The following RAPGEF1 variants were observed in gnomAD, a reference collection of about 807,000 sequenced individuals.
The protein encoded by RAPGEF1 is CRK SH3-binding GNRP.
RAPGEF1 carries 33 observed loss-of-function variants against 143.3 expected under a neutral mutation model. That is an observed-to-expected ratio of 0.23 (90% CI 0.17 to 0.31). The LOEUF (loss-of-function observed/expected upper bound fraction) is 0.31, where lower values mean the gene tolerates loss of function less well. RAPGEF1 is among the 10% of genes least tolerant of loss of function. The pLI is 1.00. For synonymous variants in RAPGEF1, 629 were observed against 676.5 expected, an observed-to-expected ratio of 0.93 and a Z score of 1.09; for missense variants, 1,199 against 1,645.4, an observed-to-expected ratio of 0.73 and a Z score of 4.69.
chr9:131,615,234 G>C (rs1297124864), intron 12 of RAPGEF1, among the ~76,000 whole-genome samples: 2 of 152,180 alleles, frequency 1.3e-5, no homozygotes, highest in Non-Finnish European at 2.9e-5. Flanking sequence ...CACCATGCCT[G>C]GCTAATTTTT....
chr9:131,736,557 T>C (rs1000681245), intron 1 of RAPGEF1, among the ~76,000 whole-genome samples: 8 of 152,124 alleles, frequency 5.3e-5, no homozygotes, highest in African/African-American at 1.9e-4. Context: ...AAAGAAAATG[T>C]CCCAAAGAAC....
At position 131,628,121 on chromosome 9, in the gene RAPGEF1, G is replaced by A. The variant is rs781478105; in HGVS notation, c.1018-25C>T. 2.0e-6 allele frequency: 3 copies of A among 1,503,308 alleles called. No individual in the cohort carries two copies. The highest frequency in any genetic ancestry group is 1.8e-6 in the Non-Finnish European group (2 of 1,122,300). The allele number at this position is 1,503,308 out of a possible 1,614,324, so 93.1% of individuals were successfully genotyped here. ...CCTCAAGTGGAAAAAGAAAAACAAAGCCAAATCACTTCTGAGAAACGGTGG... is the reference window on the plus strand; with the variant it reads ...CCTCAAGTGGAAAAAGAAAAACAAAACCAAATCACTTCTGAGAAACGGTGG... On this transcript the variant is annotated intron_variant, in intron 8 of 26. Coordinates refer to ENST00000683357, the MANE Select transcript of RAPGEF1 (RefSeq NM_001377935.1). This position sits in a 1 kb window ranked among gnomAD's most constrained non-coding sequence, Gnocchi z 5.7.
chr9:131,599,607 G>A (rs1287486038), intron 15 of RAPGEF1, among the ~76,000 whole-genome samples: 1 of 152,028 alleles, frequency 6.6e-6, no homozygotes, highest in African/African-American at 2.4e-5. Context: ...GCCGGCTGAA[G>A]GATGGGAGAG....
chr9:131,613,494 G>A (rs1958373819), intron 12 of RAPGEF1, among the ~76,000 whole-genome samples: 1 of 152,208 alleles, frequency 6.6e-6, no homozygotes, highest in Non-Finnish European at 1.5e-5. Context: ...GGCCAGTCAG[G>A]AGCTGCAGTG....
chr9:131,662,978 T>C (rs1564650787), intron 1 of RAPGEF1, among the ~76,000 whole-genome samples: 1 of 151,406 alleles, frequency 6.6e-6, no homozygotes. Context: ...TCCAACGTTG[T>C]ATTCTGGAAA....
intron 1 of RAPGEF1, among the ~76,000 whole-genome samples, chr9:131,719,882 CTTTCT>C (rs1280534035): frequency 6.6e-5 from 9 of 136,740 alleles, no homozygotes; most frequent in South Asian, 2.4e-4. Flanking sequence ...TCTTTTCTTT[CTTTCT>C]TTTTTTTTTT....
intron 1 of RAPGEF1, among the ~76,000 whole-genome samples, chr9:131,669,098 G>C (rs117156575): frequency 0.026 from 3,970 of 152,318 alleles, 133 homozygotes; most frequent in East Asian, 0.089. Flanking sequence ...CTGGGTCGTG[G>C]TGATGGAGCC....
At chr9:131,710,791 A>G (rs1012354242) in intron 1 of RAPGEF1, among the ~76,000 whole-genome samples, 2 of 152,032 alleles carry the variant, frequency 1.3e-5, no homozygotes, top group African/African-American at 4.8e-5. Context: ...TGGGAGGCTG[A>G]GGCAGGAGAA....
chr9:131,608,304 G>A (rs1258542966), intron 12 of RAPGEF1, among the ~76,000 whole-genome samples: 4 of 152,184 alleles, frequency 2.6e-5, no homozygotes, highest in Non-Finnish European at 5.9e-5. Context: ...AACAGTACTG[G>A]GGCATTCAGT....
chr9:131,588,699 G>A lies in RAPGEF1; in HGVS notation c.3053+102C>T. The A allele has an allele frequency of 4.0e-6, 5 of 1,260,148 alleles. No homozygotes were observed. In the South Asian group the frequency reaches 7.5e-5, roughly 19 times the overall value. The allele number at this position is 1,260,148 out of a possible 1,614,324, so 78.1% of individuals were successfully genotyped here. A position where few individuals can be genotyped will look rare whatever the true frequency, so the allele number is the denominator to read the frequency against. On this transcript the variant is annotated intron_variant, in intron 20 of 26. Coordinates refer to ENST00000683357, the MANE Select transcript of RAPGEF1 (RefSeq NM_001377935.1). ...TGAGGCACCTCATCAAAGGGCCTGT[G>A]CAGAACCAGGATGGGGCTGTGGGGC...
At chr9:131,598,025 C>T (rs1348977249) in intron 16 of RAPGEF1, among the ~76,000 whole-genome samples, 174 bp downstream of exon 16, 4 of 152,186 alleles carry the variant, frequency 2.6e-5, no homozygotes, top group African/African-American at 9.7e-5. Context: ...CACACTTCCC[C>T]TGGAGTCTAC....
Position 131,592,115 on chromosome 9 carries a change from T to C in RAPGEF1, c.2758A>G (p.Lys920Glu). The C allele has an allele frequency of 1.2e-6, 2 of 1,611,528 alleles. No homozygotes were observed. The highest frequency in any genetic ancestry group is 1.7e-6 in the Non-Finnish European group (2 of 1,177,658). The change falls in exon 18 of 27, where the codon AAG becomes GAG. Residue 920 changes from lysine (K) to glutamate (E), a missense_variant. By Grantham distance (56) the Lys-to-Glu change is moderately conservative. This residue lies in a region of RAPGEF1 where 209 missense variants were observed against 403.0 expected (regional missense o/e 0.52). Coordinates refer to ENST00000683357, the MANE Select transcript of RAPGEF1 (RefSeq NM_001377935.1). ...AAAGGATATCTGTACTGCAGCTTCT[T>C]GATGAGCTCCTCTGGGGAGATGAAG... ...RTFISPEELI[K>E]KLQYRYEKFS...
At chr9:131,719,706 A>C (rs1722110844) in intron 1 of RAPGEF1, among the ~76,000 whole-genome samples, 1 of 151,726 alleles carries the variant, frequency 6.6e-6, no homozygotes, top group Admixed American at 6.6e-5. Context: ...CCTCACGATA[A>C]GAGAAGGATA....
At chr9:131,738,264 T>C (rs1028294253) in intron 1 of RAPGEF1, among the ~76,000 whole-genome samples, 1 of 151,430 alleles carries the variant, frequency 6.6e-6, no homozygotes, top group African/African-American at 2.4e-5. Context: ...TTATATATTA[T>C]AAAGTTCTTA....
chr9:131,697,559 C>A (rs1342018922), intron 1 of RAPGEF1, among the ~76,000 whole-genome samples: 1 of 152,212 alleles, frequency 6.6e-6, no homozygotes, highest in African/African-American at 2.4e-5. Flanking sequence ...ACCCAGGACA[C>A]ACTGCAGCCA....
At chr9:131,598,353 C>G in intron 15 of RAPGEF1, 43 bp from the exon 16 acceptor site, 1 of 1,553,194 alleles carries the variant, frequency 6.4e-7, no homozygotes. Context: ...CAAACCGGCT[C>G]AGCTCCCGAT....
intron 13 of RAPGEF1, 126 bp downstream of exon 13, chr9:131,604,805 C>T (rs1215993638): frequency 3.4e-6 from 4 of 1,184,772 alleles, no homozygotes; most frequent in Non-Finnish European, 4.3e-6. Context: ...CTGGCAGCCC[C>T]CAACTGCTAG....
In RAPGEF1 at chr9:131,638,775, A is replaced by C. The variant is rs530339704; in HGVS notation, c.511T>G (p.Cys171Gly). Residue 171 changes from cysteine (C) to glycine (G), a missense_variant, in exon 5 of 27, where the codon TGC (cysteine) becomes GGC (glycine). Transcript: ENST00000683357. ...RIQHSSALSS[C>G]YSRVYQSLAN... ...AGGCTTTGGTACACTCGGCTATAGC[A>C]GGAAGAGAGGGCTGAGCTACAGGGA... 3 of 1,613,974 alleles carry C rather than the reference A, an allele frequency of 1.9e-6. No individual in the cohort carries two copies. Among genetic ancestry groups the C allele is most frequent in the Non-Finnish European group, 1.7e-6 (2 of 1,179,868 alleles).
chr9:131,733,919 C>G (rs1026342752), intron 1 of RAPGEF1, among the ~76,000 whole-genome samples: 4 of 152,218 alleles, frequency 2.6e-5, no homozygotes, highest in African/African-American at 9.7e-5. Flanking sequence ...ACCGCCTCTG[C>G]CAACAGCTGC....
Sources: gnomAD v4.1 joint callset for allele counts (sites outside exome capture counted in the v4.1 genomes callset) on GRCh38, gnomAD v4.1.1 for gene constraint, gnomAD v4.1.1 regional missense constraint, Gnocchi (gnomAD v3.1) non-coding constraint, MANE v1.5 for transcripts, NCBI Gene and HGNC (gene_info 2026-07-23, HGNC 2026-07-21) for gene names.